Variants in NOP9 observed in about 807,000 individuals in gnomAD.
NOP9 encodes NOP9 nucleolar protein.
In NOP9, 50 loss-of-function variants were observed where a neutral mutation model predicts 63.0. That is an observed-to-expected ratio of 0.79 (90% CI 0.63 to 1.00). The LOEUF is 1.00. Ranked by LOEUF, NOP9 falls within the 50% of genes least tolerant of loss-of-function variation. The pLI, the probability that NOP9 is intolerant of heterozygous loss-of-function variation, is 0.00. For synonymous variants in NOP9, 343 were observed against 332.8 expected, an observed-to-expected ratio of 1.03 and a Z score of -0.33; for missense variants, 758 against 803.0, an observed-to-expected ratio of 0.94 and a Z score of 0.68.
chr14:24,283,869 G>A, the NOP9 span, among the ~76,000 whole-genome samples: 2 of 152,374 alleles, frequency 1.3e-5, no homozygotes, highest in Admixed American at 6.5e-5. Context: ...GACCCAGCCC[G>A]TGCTCCTCCT....
At chr14:24,274,300 G>A in the NOP9 span, among the ~76,000 whole-genome samples, 5 of 152,192 alleles carry the variant, frequency 3.3e-5, no homozygotes, top group African/African-American at 1.2e-4. Context: ...GGAAGGTTGA[G>A]TCAAGCAGGC....
At chr14:24,291,504 C>T in the NOP9 span, 1 of 1,569,500 alleles carries the variant, frequency 6.4e-7, no homozygotes, top group Admixed American at 1.7e-5. Context: ...GATGCTACCG[C>T]ACTACACATC....
the NOP9 span, among the ~76,000 whole-genome samples, chr14:24,274,306 C>G: frequency 6.6e-6 from 1 of 152,238 alleles, no homozygotes; most frequent in African/African-American, 2.4e-5. Flanking sequence ...TTGAGTCAAG[C>G]AGGCTTAAGA....
In NOP9 at chr14:24,308,618, A is replaced by G. The variant is rs993215077; in HGVS notation, c.*3523A>G. 1 of 153,122 alleles carries G rather than the reference A, an allele frequency of 6.5e-6. No individual in the cohort carries two copies. The highest frequency in any genetic ancestry group is 2.4e-5 in the African/African-American group (1 of 41,392). The allele number at this position is 153,122 out of a possible 1,614,324, so 9.5% of individuals were successfully genotyped here. A position where few individuals can be genotyped will look rare whatever the true frequency, so the allele number is the denominator to read the frequency against. On this transcript the variant is annotated 3_prime_UTR_variant, in exon 10 of 10. Transcript: ENST00000267425. ...TTGCCGATTAGTGGACGTGACAGAGATGTGAATGGGGCAGGGATGTCCTTT... is the reference window on the plus strand; with the variant it reads ...TTGCCGATTAGTGGACGTGACAGAGGTGTGAATGGGGCAGGGATGTCCTTT...
the NOP9 span, among the ~76,000 whole-genome samples, chr14:24,284,324 T>C: frequency 4.6e-5 from 7 of 152,192 alleles, no homozygotes; most frequent in Non-Finnish European, 8.8e-5. Flanking sequence ...CTTTGTCTCA[T>C]AAGGCTTGCC....
chr14:24,299,012 G>C (rs1040694859), upstream of NOP9: 2 of 1,613,874 alleles, frequency 1.2e-6, no homozygotes, highest in African/African-American at 1.3e-5. Flanking sequence ...GTAAACTGTG[G>C]CGCCTGCTTT....
Position 24,301,948 on chromosome 14 carries a change from C to A in NOP9, c.809-17C>A. The A allele has an allele frequency of 6.3e-7, 1 of 1,597,720 alleles. No homozygotes were observed. The highest frequency in any genetic ancestry group is 8.5e-7 in the Non-Finnish European group (1 of 1,172,414). ...GGATTTTGGGAAAGCCGCTTTATTTCTGCCCTCTCTCCACAGTGTTTATCA... is the reference window on the plus strand; with the variant it reads ...GGATTTTGGGAAAGCCGCTTTATTTATGCCCTCTCTCCACAGTGTTTATCA... On this transcript the variant is annotated splice_polypyrimidine_tract_variant and intron_variant, in intron 3 of 9. Transcript: ENST00000267425.
chr14:24,289,133 C>A, the NOP9 span, among the ~76,000 whole-genome samples: 2 of 152,064 alleles, frequency 1.3e-5, no homozygotes, highest in African/African-American at 4.8e-5. Context: ...CCCGCCACCA[C>A]GCCCAGCTAA....
chr14:24,306,420 G>T lies in NOP9; in HGVS notation c.*1325G>T. On this transcript the variant is annotated 3_prime_UTR_variant, in exon 10 of 10. Coordinates refer to ENST00000267425, the MANE Select transcript of NOP9 (RefSeq NM_174913.3). ...ACCAGACTGCAACACCATCAGGCACGTGTCATCCTCCAGCAGCTGGAAGAA... is the reference window on the plus strand; with the variant it reads ...ACCAGACTGCAACACCATCAGGCACTTGTCATCCTCCAGCAGCTGGAAGAA... 6.2e-7 allele frequency: 1 copy of T among 1,614,218 alleles called. No homozygotes were observed.
At chr14:24,291,018 G>A in the NOP9 span, 1 of 1,613,850 alleles carries the variant, frequency 6.2e-7, no homozygotes, top group Non-Finnish European at 8.5e-7. Context: ...GGAGGAGGAG[G>A]ATTAGATTCT....
In NOP9 at chr14:24,303,099, GC is replaced by G; in HGVS notation, c.1172del (p.Pro391LeufsTer14). On this transcript the variant is annotated frameshift_variant, in exon 6 of 10. Coordinates refer to ENST00000267425, the MANE Select transcript of NOP9 (RefSeq NM_174913.3). LOFTEE classifies it high-confidence loss of function. ...CTGTCCCCTGTGTTTGAGGAGCTGA[GC>G]CCTGTCTTGGAAGCTGTATTGGCCC... ...ELLSPVFEEL[S>X]PVLEAVLAQG... 3 of 1,576,484 alleles carry G rather than the reference GC, an allele frequency of 1.9e-6. No individual in the cohort carries two copies. The African/African-American group carries it at 4.1e-5, about 22-fold the overall frequency.
chr14:24,299,058 T>G, upstream of NOP9: 1 of 1,614,020 alleles, frequency 6.2e-7, no homozygotes. Flanking sequence ...CCAATACCCC[T>G]GGAGGCACCA....
Position 24,305,254 on chromosome 14 carries a change from C to A in NOP9, c.*159C>A. ...TAGTTTGAGGGGAAGGGTATGAAGACAGATCTCAAGGTAAAGTCAGAGAGG... is the reference window on the plus strand; with the variant it reads ...TAGTTTGAGGGGAAGGGTATGAAGAAAGATCTCAAGGTAAAGTCAGAGAGG... On this transcript the variant is annotated 3_prime_UTR_variant, in exon 10 of 10. Transcript: ENST00000267425. The A allele has an allele frequency of 1.2e-6, 1 of 808,620 alleles. No individual in the cohort carries two copies. The highest frequency in any genetic ancestry group is 1.8e-5 in the African/African-American group (1 of 56,722). The allele number at this position is 808,620 out of a possible 1,614,324, so 50.1% of individuals were successfully genotyped here.
chr14:24,296,894 A>G (rs1225944204), upstream of NOP9: 36 of 1,612,282 alleles, frequency 2.2e-5, no homozygotes, highest in Non-Finnish European at 2.9e-5. Flanking sequence ...GGAGTAGGAC[A>G]GGGGATATGA....
chr14:24,300,163 C>CA lies in NOP9; in HGVS notation c.210dup (p.Ala71SerfsTer38). On this transcript the variant is annotated frameshift_variant, in exon 1 of 10. Transcript: ENST00000267425. LOFTEE classifies it high-confidence loss of function. ...CTGGGATATTTCCGCCGGGCGCTGTCAGCATTGAAAGAGGCTCCCGAGACT... is the reference window on the plus strand; with the variant it reads ...CTGGGATATTTCCGCCGGGCGCTGTCAAGCATTGAAAGAGGCTCCCGAGACT... The CA allele has an allele frequency of 1.2e-6, 2 of 1,614,104 alleles. No individual in the cohort carries two copies. The highest frequency in any genetic ancestry group is 1.7e-6 in the Non-Finnish European group (2 of 1,180,016).
chr14:24,299,484 C>A (rs943954582), upstream of NOP9: 8 of 218,946 alleles, frequency 3.7e-5, no homozygotes, highest in African/African-American at 1.8e-4. Context: ...CTGGCCTGAC[C>A]CAGTCCGGCT....
rs1358089673 is a variant in NOP9 at position 24,304,548 on chromosome 14, T to C, written c.1703T>C (p.Ile568Thr). 6.2e-7 allele frequency: 1 copy of C among 1,613,850 alleles called. No homozygotes were observed. ...CATGGCAGCCGTGTGCTAGATGCCA[T>C]CTGGAGTGGAGCAGCCTTGAGGGCC... ...SRHGSRVLDA[I>T]WSGAALRARK... Residue 568 changes from isoleucine to threonine, a missense_variant, in exon 9 of 10, where the codon ATC (isoleucine) becomes ACC (threonine). Coordinates refer to ENST00000267425, the MANE Select transcript of NOP9 (RefSeq NM_174913.3).
chr14:24,296,988 GGA>G (rs1340989491), upstream of NOP9: 1 of 1,488,908 alleles, frequency 6.7e-7, no homozygotes, highest in African/African-American at 1.4e-5. Context: ...ATCAATCCTA[GGA>G]GAGCCTGCTG....
At chr14:24,292,436 G>A in the NOP9 span, 1 of 1,528,058 alleles carries the variant, frequency 6.5e-7, no homozygotes. Flanking sequence ...GTCCTTCCCA[G>A]GAGCCCCAAG....
Sources: allele counts gnomAD v4.1 joint callset (sites outside exome capture counted in the v4.1 genomes callset), GRCh38; gene constraint gnomAD v4.1.1; transcripts MANE v1.5; gene names NCBI Gene and HGNC (gene_info 2026-07-23, HGNC 2026-07-21).